LRRC4C: variants seen among roughly 807,000 people sequenced by gnomAD.
LRRC4C encodes leucine-rich repeat-containing protein 4C.
In LRRC4C, 5 loss-of-function variants were observed where a neutral mutation model predicts 33.6. That is an observed-to-expected ratio of 0.15 (90% CI 0.08 to 0.31). The LOEUF (loss-of-function observed/expected upper bound fraction) is 0.31. Among genes scored for constraint, LRRC4C ranks in the 10% least tolerant of loss-of-function variants. The pLI, the probability that LRRC4C is intolerant of heterozygous loss-of-function variation, is 1.00. For synonymous variants in LRRC4C, 329 were observed against 302.0 expected, an observed-to-expected ratio of 1.09 and a Z score of -0.93; for missense variants, 560 against 796.7, an observed-to-expected ratio of 0.70 and a Z score of 3.58.
chr11:41,046,449 T>C (rs2138057334), intron 1 of LRRC4C, among the ~76,000 whole-genome samples: 1 of 152,276 alleles, frequency 6.6e-6, no homozygotes, highest in African/African-American at 2.4e-5. Context: ...TGGCCAACTC[T>C]ACTGATATCA....
In LRRC4C at chr11:40,116,358, C is replaced by A. The variant is rs192939964; in HGVS notation, c.-42-24G>T. On this transcript the variant is annotated intron_variant, in intron 6 of 6. Transcript: ENST00000528697. The stretch of plus-strand genomic sequence containing the variant: ...GTCTGCAAAATACAAGCAAAAAAAA[C>A]CAATTATTAGATTAGATTTATTCTA... The A allele has an allele frequency of 2.0e-3, 2,966 of 1,515,162 alleles. 1 individual carries two copies. The highest frequency in any genetic ancestry group is 2.2e-3 in the Non-Finnish European group (2,523 of 1,132,650). The allele number at this position is 1,515,162 out of a possible 1,614,324, so 93.9% of individuals were successfully genotyped here.
At chr11:40,473,501 A>G (rs1045029709) in intron 3 of LRRC4C, among the ~76,000 whole-genome samples, 2 of 152,182 alleles carry the variant, frequency 1.3e-5, no homozygotes, top group African/African-American at 4.8e-5. Flanking sequence ...TATCACACTG[A>G]ATGGGCAAAA....
intron 1 of LRRC4C, among the ~76,000 whole-genome samples, chr11:41,209,568 C>A (rs1366591768): frequency 6.6e-6 from 1 of 151,158 alleles, no homozygotes; most frequent in Non-Finnish European, 1.5e-5. Flanking sequence ...TCCCTTGAAC[C>A]TGGGAGGCTG....
chr11:40,957,136 C>A (rs1958993623), intron 1 of LRRC4C, among the ~76,000 whole-genome samples: 1 of 151,628 alleles, frequency 6.6e-6, no homozygotes, highest in African/African-American at 2.4e-5. Context: ...ACATTTTTGG[C>A]AAATCTCAAG....
chr11:40,144,680 T>G (rs2135025411), intron 5 of LRRC4C, among the ~76,000 whole-genome samples: 1 of 152,366 alleles, frequency 6.6e-6, no homozygotes, highest in Middle Eastern at 3.4e-3. Context: ...AATGAGATTA[T>G]AATTTTTCAT....
At chr11:40,977,805 G>A (rs1015259946) in intron 1 of LRRC4C, among the ~76,000 whole-genome samples, 1 of 152,160 alleles carries the variant, frequency 6.6e-6, no homozygotes, top group Non-Finnish European at 1.5e-5. Context: ...CAAACCTAGT[G>A]CTAATCATTT....
rs141961568 is a variant in LRRC4C at position 40,378,825 on chromosome 11, T to A, written c.-269-59104A>T. On this transcript the variant is annotated intron_variant, in intron 3 of 6. Transcript: ENST00000528697. ...TTTATAGATCCTCTGCTATACTTAG[T>A]TTAGTGGAATTCAAGAAAAGACTGA... Among the ~76,000 whole-genome samples the A allele has an allele frequency of 4.3e-4, 66 of 152,220 alleles. No homozygotes were observed. In the East Asian group the frequency reaches 0.012, roughly 28 times the overall value.
Position 41,302,759 on chromosome 11 carries a change from A to C in LRRC4C, c.-496+156672T>G, listed in dbSNP as rs374137927. ...AATAATGCCAGATTTTGAGCCAGAG[A>C]TTCTAAGTTGTTCATAATTTAGTCT... On this transcript the variant is annotated intron_variant, in intron 1 of 6. Coordinates refer to ENST00000528697, the MANE Select transcript of LRRC4C (RefSeq NM_001258419.2). Among the ~76,000 whole-genome samples the C allele has an allele frequency of 2.8e-4, 43 of 152,308 alleles. No homozygotes were observed. In the East Asian group the frequency reaches 7.5e-3, roughly 27 times the overall value.
chr11:40,353,265 T>C (rs1178341091), intron 3 of LRRC4C, among the ~76,000 whole-genome samples: 1 of 152,182 alleles, frequency 6.6e-6, no homozygotes, highest in Non-Finnish European at 1.5e-5. Context: ...TTCATTCTTT[T>C]TTATTCTTTC....
intron 3 of LRRC4C, among the ~76,000 whole-genome samples, chr11:40,525,350 G>T (rs1258997493): frequency 6.6e-6 from 1 of 152,108 alleles, no homozygotes; most frequent in Non-Finnish European, 1.5e-5. Flanking sequence ...GGAGGCTGAG[G>T]CAGGAGAATC....
chr11:41,398,615 C>T (rs751478044), intron 1 of LRRC4C, among the ~76,000 whole-genome samples: 14 of 151,858 alleles, frequency 9.2e-5, no homozygotes, highest in Non-Finnish European at 1.6e-4. Context: ...AAGACAGCTT[C>T]CTAGTTTGAT....
chr11:41,003,300 A>G (rs1416530080), intron 1 of LRRC4C, among the ~76,000 whole-genome samples: 2 of 152,222 alleles, frequency 1.3e-5, no homozygotes, highest in African/African-American at 4.8e-5. Context: ...AAAGTAAAGC[A>G]AGATCTTGGT....
At chr11:40,174,600 T>C (rs934807525) in intron 5 of LRRC4C, among the ~76,000 whole-genome samples, 1 of 152,202 alleles carries the variant, frequency 6.6e-6, no homozygotes, top group Non-Finnish European at 1.5e-5. Context: ...ATTTCTGAAG[T>C]AGCCATAGAA....
At chr11:40,865,372 G>A (rs1025178647) in intron 2 of LRRC4C, among the ~76,000 whole-genome samples, 1 of 152,058 alleles carries the variant, frequency 6.6e-6, no homozygotes, top group Non-Finnish European at 1.5e-5. Flanking sequence ...TGATTGTACA[G>A]CATACTGAGT....
intron 2 of LRRC4C, among the ~76,000 whole-genome samples, chr11:40,856,978 A>T (rs931060261): frequency 2.0e-5 from 3 of 152,192 alleles, no homozygotes. Flanking sequence ...CAAATTGGAG[A>T]AGTCTAACTA....
chr11:41,218,939 TTG>T lies in LRRC4C; in HGVS notation c.-496+240490_-496+240491del, dbSNP rs1369018724. 1.5e-4 allele frequency among the ~76,000 whole-genome samples: 22 copies of T among 151,492 alleles called. No homozygotes were observed. In the East Asian group the frequency reaches 3.9e-3, roughly 27 times the overall value. ...CCTGCCACCACGCCCGGCTAAATTTTTGTGTGTGTTTTTAGTAGAGACGGGGT... is the reference window on the plus strand; with the variant it reads ...CCTGCCACCACGCCCGGCTAAATTTTTGTGTGTTTTTAGTAGAGACGGGGT... On this transcript the variant is annotated intron_variant, in intron 1 of 6. Coordinates refer to ENST00000528697, the MANE Select transcript of LRRC4C (RefSeq NM_001258419.2).
At chr11:40,198,456 TTC>T (rs1325200374) in intron 5 of LRRC4C, among the ~76,000 whole-genome samples, 1 of 152,226 alleles carries the variant, frequency 6.6e-6, no homozygotes, top group Non-Finnish European at 1.5e-5. Context: ...GCTACAAATA[TTC>T]TCTCTTATAA....
rs898676505 is a variant in LRRC4C at position 40,434,469 on chromosome 11, G to A, written c.-269-114748C>T. On this transcript the variant is annotated intron_variant, in intron 3 of 6. Coordinates refer to ENST00000528697, the MANE Select transcript of LRRC4C (RefSeq NM_001258419.2). ...ATTTCCCTGGAGGGCTCCAAAAGTG[G>A]CAAGACACACGACTGCTCAGTGCTC... Among the ~76,000 whole-genome samples the A allele has an allele frequency of 2.0e-5, 3 of 152,178 alleles. No individual in the cohort carries two copies. In the East Asian group the frequency reaches 5.8e-4, roughly 29 times the overall value.
At chr11:41,115,023 G>C (rs1425232430) in intron 1 of LRRC4C, among the ~76,000 whole-genome samples, 1 of 151,992 alleles carries the variant, frequency 6.6e-6, no homozygotes, top group Non-Finnish European at 1.5e-5. Flanking sequence ...AACTGTTGAA[G>C]GCAGGTTACA....
Sources: gnomAD v4.1 joint callset for allele counts (sites outside exome capture counted in the v4.1 genomes callset) on GRCh38, gnomAD v4.1.1 for gene constraint, MANE v1.5 for transcripts, NCBI Gene and HGNC (gene_info 2026-07-23, HGNC 2026-07-21) for gene names.